The following LONP2 variants were observed in gnomAD, a reference collection of about 807,000 sequenced individuals.
LONP2 encodes lon protease homolog 2, peroxisomal.
A neutral mutation model predicts 85.6 loss-of-function variants in LONP2; 60 were observed. That is an observed-to-expected ratio of 0.70 (90% confidence interval 0.57 to 0.87). The LOEUF is 0.87. LONP2 is among the 40% of genes least tolerant of loss of function. The pLI is 0.00. For missense variants in LONP2, 860 were observed against 1,063.5 expected (o/e 0.81, Z 2.66); for synonymous variants, 395 against 389.7 (o/e 1.01, Z -0.16).
rs1971210991 is a variant in LONP2 at position 48,244,374 on chromosome 16, C to T, written c.-15C>T. ...TGGCTCTTTTTGACAGCCCCCAGTG[C>T]GAAAGGCTGCCAGCATGTCATCAGT... On this transcript the variant is annotated 5_prime_UTR_variant, in exon 1 of 15. Transcript: ENST00000285737. 5 of 1,521,602 alleles carry T rather than the reference C, an allele frequency of 3.3e-6. No individual in the cohort carries two copies. The highest frequency in any genetic ancestry group is 4.4e-6 in the Non-Finnish European group (5 of 1,136,600). 94.3% of individuals were successfully genotyped at this position (1,521,602 alleles called of 1,614,324 possible). A position where few individuals can be genotyped will look rare whatever the true frequency, so the allele number is the denominator to read the frequency against.
intron 12 of LONP2, among the ~76,000 whole-genome samples, chr16:48,340,596 T>G (rs1394099925): frequency 6.6e-6 from 1 of 152,220 alleles, no homozygotes; most frequent in Non-Finnish European, 1.5e-5. Context: ...TTTTATTAAT[T>G]AATAATATCT....
At chr16:48,294,054 A>G (rs1288219864) in intron 8 of LONP2, among the ~76,000 whole-genome samples, 3 of 152,202 alleles carry the variant, frequency 2.0e-5, no homozygotes, top group Admixed American at 6.5e-5. Context: ...CTCATGCCTC[A>G]GCCTCCCGAG....
chr16:48,355,003 T>C lies in LONP2; in HGVS notation c.*3201T>C, dbSNP rs1960287144. 1 of 152,248 alleles carries C rather than the reference T, an allele frequency of 6.6e-6. No individual in the cohort carries two copies. The highest frequency in any genetic ancestry group is 2.4e-5 in the African/African-American group (1 of 41,466). 9.4% of individuals were successfully genotyped at this position (152,248 alleles called of 1,614,324 possible). Reference sequence around the variant, plus strand: ...TGGTAGCAAGTACCAGAAATTTTTATGGCCAAATAATACACCACTATATCC... The same window carrying C: ...TGGTAGCAAGTACCAGAAATTTTTACGGCCAAATAATACACCACTATATCC... On this transcript the variant is annotated 3_prime_UTR_variant, in exon 15 of 15. Transcript: ENST00000285737.
Position 48,270,377 on chromosome 16 carries a change from G to A in LONP2, c.1241+103G>A, listed in dbSNP as rs371402549. On this transcript the variant is annotated intron_variant, in intron 7 of 14. Transcript: ENST00000285737. ...AGCATACATCTATTTTCCTTAAAGG[G>A]CTATGTGTGGTACCTTGAATGAAAA... 2.1e-5 allele frequency: 26 copies of A among 1,223,926 alleles called. No individual in the cohort carries two copies. The East Asian group carries it at 4.5e-4, about 21-fold the overall frequency. The allele number at this position is 1,223,926 out of a possible 1,614,324, so 75.8% of individuals were successfully genotyped here.
chr16:48,341,947 C>G (rs1959824171), intron 12 of LONP2, among the ~76,000 whole-genome samples: 1 of 152,156 alleles, frequency 6.6e-6, no homozygotes, highest in Non-Finnish European at 1.5e-5. Flanking sequence ...TGGCTGTGCC[C>G]TTTCACTCTG....
At chr16:48,348,978 C>CT (rs1168212358) in intron 14 of LONP2, among the ~76,000 whole-genome samples, 1 of 152,120 alleles carries the variant, frequency 6.6e-6, no homozygotes, top group Non-Finnish European at 1.5e-5. Context: ...TTTGAAGTTT[C>CT]TTTGAGACCT....
chr16:48,265,933 G>A (rs1475780165), intron 6 of LONP2, among the ~76,000 whole-genome samples: 1 of 151,984 alleles, frequency 6.6e-6, no homozygotes, highest in African/African-American at 2.4e-5. Flanking sequence ...TACCTCCTTG[G>A]TTAAGTTTGT....
rs1482812508 is a variant in LONP2, at chr16:48,353,012, C to G, written c.*1210C>G. ...CTCATCTGCTTACTGGCTGTGTGAA[C>G]TTTTTGTATCTTGGTTTTCTTCATC... On this transcript the variant is annotated 3_prime_UTR_variant, in exon 15 of 15. Transcript: ENST00000285737. The G allele has an allele frequency of 6.6e-6, 1 of 152,194 alleles. No homozygotes were observed. Among genetic ancestry groups the G allele is most frequent in the South Asian group, 2.1e-4 (1 of 4,824 alleles). The allele number at this position is 152,194 out of a possible 1,614,324, so 9.4% of individuals were successfully genotyped here. A position where few individuals can be genotyped will look rare whatever the true frequency, so the allele number is the denominator to read the frequency against.
chr16:48,322,727 T>A (rs1351033629), intron 11 of LONP2, among the ~76,000 whole-genome samples: 1 of 152,086 alleles, frequency 6.6e-6, no homozygotes. Context: ...TATATAAGAA[T>A]AAAAAATTTT....
At chr16:48,262,500 A>G (rs1431010708) in intron 5 of LONP2, among the ~76,000 whole-genome samples, 2 of 152,226 alleles carry the variant, frequency 1.3e-5, no homozygotes, top group Non-Finnish European at 2.9e-5. Context: ...AGAAAATATG[A>G]GAATACTTTG....
intron 8 of LONP2, among the ~76,000 whole-genome samples, chr16:48,277,977 C>G (rs899891330): frequency 2.6e-5 from 4 of 151,674 alleles, no homozygotes; most frequent in Admixed American, 2.6e-4. Flanking sequence ...TCCGTTGTCC[C>G]CACTGTATCA....
At chr16:48,284,848 G>A (rs1360432959) in intron 8 of LONP2, among the ~76,000 whole-genome samples, 1 of 152,086 alleles carries the variant, frequency 6.6e-6, no homozygotes, top group African/African-American at 2.4e-5. Flanking sequence ...GGAATAATAA[G>A]GATCAACTGT....
At chr16:48,253,346 T>C (rs1971693024) in intron 2 of LONP2, among the ~76,000 whole-genome samples, 1 of 151,948 alleles carries the variant, frequency 6.6e-6, no homozygotes, top group African/African-American at 2.4e-5. Flanking sequence ...GGTGCGTGCC[T>C]GTAGTCCCAG....
At chr16:48,256,111 C>A (rs1971753634) in intron 2 of LONP2, among the ~76,000 whole-genome samples, 1 of 152,106 alleles carries the variant, frequency 6.6e-6, no homozygotes, top group Non-Finnish European at 1.5e-5. Flanking sequence ...GAACAAGGGT[C>A]CTTAATCTGT....
rs1175233095 is a variant in LONP2 at position 48,355,392 on chromosome 16, C to A, written c.*3590C>A. 1 of 152,148 alleles carries A rather than the reference C, an allele frequency of 6.6e-6. No homozygotes were observed. The highest frequency in any genetic ancestry group is 2.4e-5 in the African/African-American group (1 of 41,424). 9.4% of individuals were successfully genotyped at this position (152,148 alleles called of 1,614,324 possible). A position where few individuals can be genotyped will look rare whatever the true frequency, so the allele number is the denominator to read the frequency against. On this transcript the variant is annotated 3_prime_UTR_variant, in exon 15 of 15. Coordinates refer to ENST00000285737, the MANE Select transcript of LONP2 (RefSeq NM_031490.5). ...CATATGAGGACACAGCAACAGGCCC[C>A]GTCCTAGAAGCTGAGACTGGGCCCT... is the stretch of plus-strand genomic sequence containing the variant.
chr16:48,320,271 G>A (rs1973235216), intron 11 of LONP2, among the ~76,000 whole-genome samples: 1 of 152,074 alleles, frequency 6.6e-6, no homozygotes, highest in Non-Finnish European at 1.5e-5. Context: ...TGCACAGATA[G>A]GGGTTAGAAG....
chr16:48,255,852 A>G (rs1971748467), intron 2 of LONP2, among the ~76,000 whole-genome samples: 1 of 152,044 alleles, frequency 6.6e-6, no homozygotes, highest in African/African-American at 2.4e-5. Flanking sequence ...AGGCCTCCCC[A>G]GCCATGTGGA....
rs1960644317 is a variant in LONP2 at position 48,362,723 on chromosome 16, A to G, written c.*860A>G. 2 of 283,720 alleles carry G rather than the reference A, an allele frequency of 7.0e-6. No homozygotes were observed. The highest frequency in any genetic ancestry group is 1.4e-5 in the Non-Finnish European group (2 of 141,018). 17.6% of individuals were successfully genotyped at this position (283,720 alleles called of 1,614,324 possible). ...CATAGAATAATAAATGCTAAAATAG[A>G]AAATGGACCATAAACAACTAAAGAA... On this transcript the variant is annotated 3_prime_UTR_variant, in exon 5 of 5. Coordinates refer to the LONP2 transcript ENST00000565867. This position sits in a 1 kb window ranked among gnomAD's most constrained non-coding sequence, Gnocchi z 4.2.
rs573020806 is a variant in LONP2, at chr16:48,269,949, C to T, written c.983-67C>T. ...AAAAAAATATTTTGCCCTCGTCATG[C>T]TTGAAAGGAGTTCTTTAACTTAAAA... is the stretch of plus-strand genomic sequence containing the variant. On this transcript the variant is annotated intron_variant, in intron 6 of 14. Transcript: ENST00000285737. The T allele has an allele frequency of 2.0e-5, 30 of 1,517,154 alleles. No homozygotes were observed. The African/African-American group carries it at 4.0e-4, about 20-fold the overall frequency. The allele number at this position is 1,517,154 out of a possible 1,614,324, so 94.0% of individuals were successfully genotyped here.
Sources: gnomAD v4.1 joint callset for allele counts (sites outside exome capture counted in the v4.1 genomes callset) on GRCh38, gnomAD v4.1.1 for gene constraint, Gnocchi (gnomAD v3.1) non-coding constraint, MANE v1.5 for transcripts, NCBI Gene and HGNC (gene_info 2026-07-23, HGNC 2026-07-21) for gene names.